Variants in CREB5 observed in about 807,000 individuals in gnomAD.
CREB5 encodes the protein cAMP responsive element binding protein 5, also known as cyclic AMP-responsive element-binding protein 5.
In CREB5, 19 loss-of-function variants were observed where a neutral mutation model predicts 57.1. That is an observed-to-expected ratio of 0.33 (90% confidence interval 0.23 to 0.49). The LOEUF is 0.49. Among genes scored for constraint, CREB5 ranks in the 20% least tolerant of loss-of-function variants. CREB5 has a pLI of 0.99. For missense variants in CREB5, 579 were observed against 671.6 expected, an observed-to-expected ratio of 0.86 and a Z score of 1.52; for synonymous variants, 238 against 238.3, an observed-to-expected ratio of 1.00 and a Z score of 0.01.
chr7:28,326,304 T>C (rs999332740), intron 1 of CREB5, among the ~76,000 whole-genome samples: 2 of 152,178 alleles, frequency 1.3e-5, no homozygotes, highest in African/African-American at 4.8e-5. Flanking sequence ...TTTCCATGTT[T>C]ATAGCTTTTT....
At chr7:28,534,088 A>T (rs562555223) in intron 4 of CREB5, among the ~76,000 whole-genome samples, 1 of 152,292 alleles carries the variant, frequency 6.6e-6, no homozygotes, top group Admixed American at 6.5e-5. Context: ...TCTCAGACCC[A>T]CAGGGCCTCA....
intron 4 of CREB5, among the ~76,000 whole-genome samples, chr7:28,547,424 C>T (rs992077794): frequency 1.3e-5 from 2 of 152,114 alleles, no homozygotes; most frequent in Non-Finnish European, 2.9e-5. Flanking sequence ...AAGAGAAAGT[C>T]AGTAGGCTGG....
chr7:28,646,181 G>A (rs768080125), intron 5 of CREB5, among the ~76,000 whole-genome samples: 4 of 152,016 alleles, frequency 2.6e-5, no homozygotes, highest in Admixed American at 6.5e-5. Context: ...ATTTTCTATC[G>A]GTTCTGTTTC....
chr7:28,494,686 G>A (rs2128598556), intron 2 of CREB5, among the ~76,000 whole-genome samples: 1 of 151,998 alleles, frequency 6.6e-6, no homozygotes, highest in Non-Finnish European at 1.5e-5. Flanking sequence ...ATATATTTGG[G>A]TGTAATTTAA....
At chr7:28,791,268 C>T (rs1204170310) in intron 7 of CREB5, among the ~76,000 whole-genome samples, 1 of 152,160 alleles carries the variant, frequency 6.6e-6, no homozygotes, top group Non-Finnish European at 1.5e-5. Flanking sequence ...TTATAAATAC[C>T]AGTGCCCTTG....
chr7:28,782,955 G>C (rs1807077100), intron 7 of CREB5, among the ~76,000 whole-genome samples: 1 of 152,124 alleles, frequency 6.6e-6, no homozygotes, highest in South Asian at 2.1e-4. Context: ...GGTGCTGTGT[G>C]CATGAAAGAC....
At chr7:28,614,625 G>A (rs1039448116) in intron 5 of CREB5, among the ~76,000 whole-genome samples, 16 of 152,254 alleles carry the variant, frequency 1.1e-4, no homozygotes, top group Admixed American at 2.0e-4. Context: ...TTCTTTCCTA[G>A]CTTCCAGCTT....
intron 1 of CREB5, among the ~76,000 whole-genome samples, chr7:28,355,047 G>A (rs1786312589): frequency 6.6e-6 from 1 of 152,234 alleles, no homozygotes; most frequent in African/African-American, 2.4e-5. Context: ...TGTTGGTTAT[G>A]TCTTCCGTTG....
intron 3 of CREB5, among the ~76,000 whole-genome samples, chr7:28,503,104 T>C (rs1209005534): frequency 6.6e-6 from 1 of 152,240 alleles, no homozygotes; most frequent in Non-Finnish European, 1.5e-5. Flanking sequence ...CATTGAGCCG[T>C]ATGCTTGTCT....
At chr7:28,379,049 C>G (rs1583408547) in intron 1 of CREB5, among the ~76,000 whole-genome samples, 1 of 152,208 alleles carries the variant, frequency 6.6e-6, no homozygotes, top group Non-Finnish European at 1.5e-5. Flanking sequence ...ACATAAATCT[C>G]TCTAGGCCAC....
intron 5 of CREB5, among the ~76,000 whole-genome samples, chr7:28,619,447 G>A (rs556837963): frequency 1.1e-4 from 17 of 152,144 alleles, no homozygotes; most frequent in Non-Finnish European, 1.9e-4. Context: ...CTTTGAGAGC[G>A]CTAAAAAGAG....
At chr7:28,383,485 A>G (rs1276666332) in intron 1 of CREB5, among the ~76,000 whole-genome samples, 1 of 152,204 alleles carries the variant, frequency 6.6e-6, no homozygotes, top group Non-Finnish European at 1.5e-5. Flanking sequence ...CTCAGCATCT[A>G]CTTAGCATCT....
In CREB5 at chr7:28,812,930, C is replaced by T. The variant is rs534229173; in HGVS notation, c.1254+3516C>T. ...CTGCCACTTTTGAGTTGTTTTCCAG[C>T]GTAGAACCCTCTAGTTAGGCTGCAG... On this transcript the variant is annotated intron_variant, in intron 9 of 10. Transcript: ENST00000357727. Among the ~76,000 whole-genome samples, 7 of 152,266 alleles carry T rather than the reference C, an allele frequency of 4.6e-5. No individual in the cohort carries two copies. In the South Asian group the frequency reaches 1.2e-3, roughly 27 times the overall value.
chr7:28,781,650 A>T (rs1372411890), intron 7 of CREB5, among the ~76,000 whole-genome samples: 1 of 152,204 alleles, frequency 6.6e-6, no homozygotes, highest in Non-Finnish European at 1.5e-5. Flanking sequence ...TCTCACTTTT[A>T]AAAGTATAAC....
intron 1 of CREB5, among the ~76,000 whole-genome samples, chr7:28,300,901 T>C (rs1785088325): frequency 6.6e-6 from 1 of 152,174 alleles, no homozygotes; most frequent in Non-Finnish European, 1.5e-5. Context: ...TTGTCATAAA[T>C]GCAGATTCTC....
At chr7:28,736,662 C>G (rs1313182336) in intron 7 of CREB5, among the ~76,000 whole-genome samples, 3 of 152,064 alleles carry the variant, frequency 2.0e-5, no homozygotes, top group Admixed American at 1.3e-4. Context: ...TCTTAGTAAC[C>G]CTAGAGGACT....
Position 28,718,757 on chromosome 7 carries a change from G to A in CREB5, c.469G>A (p.Val157Ile). 1 of 1,613,848 alleles carries A rather than the reference G, an allele frequency of 6.2e-7. No homozygotes were observed. The highest frequency in any genetic ancestry group is 1.7e-4 in the Middle Eastern group (1 of 6,060). ...APSTNRQIGP[V>I]PGSLSSLLHL... ...TTGTTTTTTTCTTTGTCCCAGGCCT[G>A]TCCCAGGCTCTCTATCTTCTCTGCT... is the stretch of plus-strand genomic sequence containing the variant. The change falls in exon 6 of 11, where the codon GTC becomes ATC. Residue 157 changes from valine to isoleucine, a missense_variant. Coordinates refer to ENST00000357727, the MANE Select transcript of CREB5 (RefSeq NM_182898.4).
chr7:28,779,853 G>A (rs1220691755), intron 7 of CREB5, among the ~76,000 whole-genome samples: 1 of 152,094 alleles, frequency 6.6e-6, no homozygotes, highest in Non-Finnish European at 1.5e-5. Flanking sequence ...TTTCTTCTCT[G>A]ACACCCACTT....
chr7:28,776,090 C>T (rs557269427), intron 7 of CREB5, among the ~76,000 whole-genome samples: 7 of 152,008 alleles, frequency 4.6e-5, no homozygotes, highest in African/African-American at 7.2e-5. Context: ...GTAATCTCAG[C>T]GCTTTGGGAG....
Sources: gnomAD v4.1 joint callset for allele counts (sites outside exome capture counted in the v4.1 genomes callset) on GRCh38, gnomAD v4.1.1 for gene constraint, MANE v1.5 for transcripts, NCBI Gene and HGNC (gene_info 2026-07-23, HGNC 2026-07-21) for gene names.